CDH4: variants seen among roughly 807,000 people sequenced by gnomAD.
CDH4 encodes cadherin 4.
Under a neutral mutation model 86.0 loss-of-function variants are expected in CDH4, and 33 were observed. That is an observed-to-expected ratio of 0.38 (90% CI 0.29 to 0.51). The LOEUF (loss-of-function observed/expected upper bound fraction) is 0.51. Ranked by LOEUF, CDH4 falls within the 20% of genes least tolerant of loss-of-function variation. The probability of loss-of-function intolerance (pLI) is 0.86; values close to 1 mark genes in which losing one functional copy is unlikely to be tolerated. For missense variants in CDH4, 1,114 were observed against 1,307.4 expected (o/e 0.85, Z 2.28); for synonymous variants, 555 against 549.4 (o/e 1.01, Z -0.14).
intron 2 of CDH4, among the ~76,000 whole-genome samples, chr20:61,564,171 C>A (rs6061641): frequency 0.27 from 40,493 of 152,036 alleles, 5,976 homozygotes; most frequent in African/African-American, 0.39. Context: ...CAACCTCATC[C>A]TAAGACTCTG....
chr20:61,905,929 TTCAGGCATGGCTGGA>T (rs2054783570), intron 8 of CDH4, among the ~76,000 whole-genome samples: 1 of 151,164 alleles, frequency 6.6e-6, no homozygotes, highest in African/African-American at 2.4e-5. Flanking sequence ...AATCTCTCCC[TTCAGGCATGGCTGGA>T]TCTAGGCTCC....
chr20:61,512,982 T>G (rs2085791381), intron 2 of CDH4, among the ~76,000 whole-genome samples: 1 of 152,218 alleles, frequency 6.6e-6, no homozygotes, highest in Non-Finnish European at 1.5e-5. Context: ...AGAGCCCCCG[T>G]AGAGTTTTGT....
intron 2 of CDH4, among the ~76,000 whole-genome samples, chr20:61,647,289 G>C (rs777306729): frequency 6.6e-6 from 1 of 152,122 alleles, no homozygotes; most frequent in African/African-American, 2.4e-5. Flanking sequence ...CCTTCCTTGC[G>C]GGTGGTACCT....
intron 2 of CDH4, among the ~76,000 whole-genome samples, chr20:61,505,308 C>T (rs930450089): frequency 3.9e-5 from 6 of 152,144 alleles, no homozygotes; most frequent in Admixed American, 3.9e-4. Context: ...AACCCTGAAC[C>T]CTCTGAATGC....
intron 2 of CDH4, among the ~76,000 whole-genome samples, chr20:61,566,739 G>A (rs2086300831): frequency 2.0e-5 from 3 of 152,108 alleles, no homozygotes; most frequent in Non-Finnish European, 4.4e-5. Context: ...CGGAAAGATT[G>A]GAAGCCCAAA....
intron 2 of CDH4, among the ~76,000 whole-genome samples, chr20:61,512,176 C>G (rs971186840): frequency 6.6e-6 from 1 of 152,016 alleles, no homozygotes; most frequent in Non-Finnish European, 1.5e-5. Flanking sequence ...CTGGGCTGCC[C>G]GGTGGTTTGG....
intron 2 of CDH4, among the ~76,000 whole-genome samples, chr20:61,387,026 C>T (rs62199077): frequency 0.25 from 37,515 of 152,216 alleles, 5,011 homozygotes; most frequent in African/African-American, 0.34. Flanking sequence ...GTTTACATTA[C>T]TGGGTTGGAT....
chr20:61,794,563 G>A (rs1413942476), intron 4 of CDH4, among the ~76,000 whole-genome samples: 1 of 152,222 alleles, frequency 6.6e-6, no homozygotes, highest in Non-Finnish European at 1.5e-5. Context: ...AGAGTCACAG[G>A]TGCTGGTTGG....
chr20:61,620,366 TGATA>T (rs2086765986), intron 2 of CDH4, among the ~76,000 whole-genome samples: 1 of 151,680 alleles, frequency 6.6e-6, no homozygotes, highest in African/African-American at 2.4e-5. Context: ...TGATGATGGA[TGATA>T]GATACATGAT....
intron 2 of CDH4, among the ~76,000 whole-genome samples, chr20:61,396,991 G>T (rs1382166481): frequency 6.6e-6 from 1 of 152,140 alleles, no homozygotes; most frequent in African/African-American, 2.4e-5. Flanking sequence ...GCTCACTGCA[G>T]CTTCGACTTC....
intron 2 of CDH4, among the ~76,000 whole-genome samples, chr20:61,656,287 GCGTGCTGGGGTGGGTAGGCA>G (rs542550852): frequency 4.9e-5 from 6 of 122,944 alleles, no homozygotes; most frequent in Admixed American, 1.6e-4. Context: ...GTGGGCAGGC[GCGTGCTGGGGTGGGTAGGCA>G]CGTGCTGAAG....
intron 2 of CDH4, among the ~76,000 whole-genome samples, chr20:61,328,261 C>T (rs1196218378): frequency 6.6e-6 from 1 of 152,082 alleles, no homozygotes; most frequent in Non-Finnish European, 1.5e-5. Context: ...CTGCAACCTC[C>T]ACCTCCTGGG....
intron 2 of CDH4, among the ~76,000 whole-genome samples, chr20:61,407,531 A>G (rs1457026916): frequency 6.6e-6 from 1 of 152,246 alleles, no homozygotes; most frequent in African/African-American, 2.4e-5. Context: ...CACTTTAGAA[A>G]AGACTTCGGC....
intron 2 of CDH4, among the ~76,000 whole-genome samples, chr20:61,487,651 G>A (rs1475120524): frequency 6.6e-6 from 1 of 152,128 alleles, no homozygotes; most frequent in East Asian, 1.9e-4. Flanking sequence ...AATCTGACAA[G>A]ACAACCCTTC....
At chr20:61,497,417 A>G (rs1025445408) in intron 2 of CDH4, among the ~76,000 whole-genome samples, 1 of 152,188 alleles carries the variant, frequency 6.6e-6, no homozygotes, top group Non-Finnish European at 1.5e-5. Flanking sequence ...AGGGATTACA[A>G]TATACATCAC....
chr20:61,720,556 CA>C (rs1286807008), intron 2 of CDH4, among the ~76,000 whole-genome samples: 1 of 119,614 alleles, frequency 8.4e-6, no homozygotes, highest in Non-Finnish European at 1.6e-5. Flanking sequence ...TGTAGGGGTG[CA>C]GGGGTGCAGA....
At chr20:61,679,604 T>G (rs1490738742) in intron 2 of CDH4, among the ~76,000 whole-genome samples, 1 of 152,134 alleles carries the variant, frequency 6.6e-6, no homozygotes, top group Non-Finnish European at 1.5e-5. Context: ...CATCTGAGGT[T>G]AACAGCAGCA....
chr20:61,567,216 C>T (rs1257898822), intron 2 of CDH4, among the ~76,000 whole-genome samples: 2 of 152,202 alleles, frequency 1.3e-5, no homozygotes, highest in Non-Finnish European at 2.9e-5. Context: ...CTCCGAGCCC[C>T]CCAGGAAAGG....
chr20:61,792,011 T>C (rs1979228944), intron 4 of CDH4, among the ~76,000 whole-genome samples: 2 of 152,128 alleles, frequency 1.3e-5, no homozygotes, highest in Non-Finnish European at 2.9e-5. Context: ...ATTGTCCGTC[T>C]ATCATCCCCT....
Sources: allele counts gnomAD v4.1 joint callset (sites outside exome capture counted in the v4.1 genomes callset), GRCh38; gene constraint gnomAD v4.1.1; transcripts MANE v1.5; gene names NCBI Gene and HGNC (gene_info 2026-07-23, HGNC 2026-07-21).